Variants in RPS6KA5 observed in about 807,000 individuals in gnomAD.
RPS6KA5 encodes the protein ribosomal protein S6 kinase A5.
Under a neutral mutation model 85.5 loss-of-function variants are expected in RPS6KA5, and 27 were observed. That is an observed-to-expected ratio of 0.32 (90% CI 0.23 to 0.44). RPS6KA5 has a LOEUF of 0.44. RPS6KA5 is among the 20% of genes least tolerant of loss of function. RPS6KA5 has a pLI of 1.00. For synonymous variants in RPS6KA5, 334 were observed against 348.2 expected, an observed-to-expected ratio of 0.96 and a Z score of 0.46; for missense variants, 811 against 980.9, an observed-to-expected ratio of 0.83 and a Z score of 2.31.
intron 1 of RPS6KA5, among the ~76,000 whole-genome samples, chr14:91,043,917 A>G (rs933321041): frequency 3.9e-5 from 6 of 152,182 alleles, no homozygotes; most frequent in Admixed American, 3.3e-4. Flanking sequence ...AAATCAACTG[A>G]CCTTACGATA....
intron 2 of RPS6KA5, among the ~76,000 whole-genome samples, chr14:90,985,450 G>A (rs1595403539): frequency 6.6e-6 from 1 of 152,304 alleles, no homozygotes. Context: ...GTCCTTCCTT[G>A]TTGTGCTCAA....
chr14:90,945,425 T>A (rs1233691768), intron 4 of RPS6KA5, among the ~76,000 whole-genome samples: 1 of 152,240 alleles, frequency 6.6e-6, no homozygotes, highest in Non-Finnish European at 1.5e-5. Flanking sequence ...ACAACCTCTT[T>A]AGAAAAGATT....
At chr14:90,983,390 A>G (rs1007521376) in intron 2 of RPS6KA5, among the ~76,000 whole-genome samples, 18 of 152,052 alleles carry the variant, frequency 1.2e-4, no homozygotes, top group Non-Finnish European at 2.5e-4. Flanking sequence ...ACTTGAGCCC[A>G]GGAGTTTAAG....
intron 3 of RPS6KA5, among the ~76,000 whole-genome samples, chr14:90,966,375 G>A (rs138251027): frequency 1.5e-4 from 23 of 152,322 alleles, no homozygotes; most frequent in African/African-American, 5.5e-4. Context: ...GATAAATAAA[G>A]CATTTCAGGA....
chr14:90,960,194 G>A (rs546682031), intron 3 of RPS6KA5, among the ~76,000 whole-genome samples: 3 of 152,242 alleles, frequency 2.0e-5, no homozygotes, highest in Admixed American at 6.5e-5. Context: ...TCTGACTACC[G>A]AGAATGTGCT....
rs139629244 is a variant in RPS6KA5, at chr14:90,934,031, A to T, written c.618+9047T>A. On this transcript the variant is annotated intron_variant, in intron 5 of 16. Coordinates refer to ENST00000614987, the MANE Select transcript of RPS6KA5 (RefSeq NM_004755.4). Reference sequence around the variant, plus strand: ...TGATTTCAAAGTGTAGCCTCTTCTCACCCTATTCCCTATTCCTGTTCCCTA... The same window carrying T: ...TGATTTCAAAGTGTAGCCTCTTCTCTCCCTATTCCCTATTCCTGTTCCCTA... Among the ~76,000 whole-genome samples the T allele has an allele frequency of 2.1e-4, 32 of 152,208 alleles. 1 individual carries two copies. In the East Asian group the frequency reaches 6.2e-3, roughly 29 times the overall value.
rs2037664355 is a variant in RPS6KA5 at position 90,943,122 on chromosome 14, C to T, written c.574G>A (p.Val192Met). The change falls in exon 5 of 17, where the codon GTG (valine) becomes ATG (methionine). Residue 192 changes from valine to methionine, a missense_variant. Around this residue, in one of 3 missense-constraint regions of RPS6KA5, gnomAD observed 650 missense variants for 793.4 expected, o/e 0.82. Coordinates refer to ENST00000614987, the MANE Select transcript of RPS6KA5 (RefSeq NM_004755.4). The part of the protein sequence containing the change: ...NILLDSNGHV[V>M]LTDFGLSKEF... Reference sequence around the variant, plus strand: ...TTACTCAGACCAAAATCTGTCAGCACCACATGGCCATTAGAATCAAGTAGA... The same window carrying T: ...TTACTCAGACCAAAATCTGTCAGCATCACATGGCCATTAGAATCAAGTAGA... The T allele has an allele frequency of 6.2e-7, 1 of 1,612,916 alleles. No homozygotes were observed. The highest frequency in any genetic ancestry group is 2.2e-5 in the East Asian group (1 of 44,834).
At chr14:91,059,297 G>A (rs1467618953) in intron 1 of RPS6KA5, among the ~76,000 whole-genome samples, 2 of 148,438 alleles carry the variant, frequency 1.3e-5, no homozygotes, top group African/African-American at 5.0e-5. Flanking sequence ...CCGAGATCAT[G>A]CCACTGCACT....
chr14:90,893,764 C>A (rs968446927), intron 13 of RPS6KA5, among the ~76,000 whole-genome samples: 1 of 151,630 alleles, frequency 6.6e-6, no homozygotes, highest in Non-Finnish European at 1.5e-5. Flanking sequence ...TGTTGATTTT[C>A]TAAAAGGAGG....
chr14:91,029,434 A>C (rs1400239193), intron 1 of RPS6KA5, among the ~76,000 whole-genome samples: 1 of 152,252 alleles, frequency 6.6e-6, no homozygotes, highest in Non-Finnish European at 1.5e-5. Flanking sequence ...AATTAAAAAA[A>C]TAAAACCAAG....
At chr14:91,050,164 G>A (rs1373653002) in intron 1 of RPS6KA5, among the ~76,000 whole-genome samples, 1 of 152,008 alleles carries the variant, frequency 6.6e-6, no homozygotes, top group East Asian at 1.9e-4. Context: ...GATTGCTTGA[G>A]GCCAGAAGTT....
intron 5 of RPS6KA5, among the ~76,000 whole-genome samples, chr14:90,934,131 C>G (rs145309232): frequency 5.3e-5 from 8 of 152,118 alleles, no homozygotes; most frequent in African/African-American, 1.9e-4. Flanking sequence ...TCTGCCTCCC[C>G]GTGTAAAGGA....
intron 14 of RPS6KA5, among the ~76,000 whole-genome samples, chr14:90,878,124 C>A (rs867745456): frequency 1.3e-5 from 2 of 152,198 alleles, no homozygotes; most frequent in Non-Finnish European, 2.9e-5. Context: ...ATACAACTGT[C>A]CACATTGCTA....
chr14:91,029,046 C>T (rs534948085), intron 1 of RPS6KA5, among the ~76,000 whole-genome samples: 2 of 152,078 alleles, frequency 1.3e-5, no homozygotes, highest in African/African-American at 4.8e-5. Flanking sequence ...AGTAAAAAGG[C>T]AAGTTTTAAA....
intron 1 of RPS6KA5, among the ~76,000 whole-genome samples, chr14:91,044,882 GA>G (rs985964381): frequency 2.1e-5 from 3 of 142,682 alleles, no homozygotes; most frequent in Non-Finnish European, 3.1e-5. Flanking sequence ...AAAAAAAAAA[GA>G]AAAAAAAAGG....
chr14:90,912,140 CCT>C (rs1259628021), intron 7 of RPS6KA5, among the ~76,000 whole-genome samples: 1 of 152,196 alleles, frequency 6.6e-6, no homozygotes, highest in African/African-American at 2.4e-5. Flanking sequence ...GTCAAAACTC[CCT>C]GATACTATGA....
At chr14:90,973,880 A>C (rs1387698252) in intron 3 of RPS6KA5, among the ~76,000 whole-genome samples, 1 of 151,908 alleles carries the variant, frequency 6.6e-6, no homozygotes, top group South Asian at 2.1e-4. Flanking sequence ...TCTACTAAAA[A>C]TACAAAAATT....
intron 1 of RPS6KA5, among the ~76,000 whole-genome samples, chr14:91,028,100 C>A (rs576148115): frequency 2.0e-5 from 3 of 152,146 alleles, no homozygotes; most frequent in South Asian, 2.1e-4. Context: ...TTTTATTTGG[C>A]CAAATGATGA....
intron 8 of RPS6KA5, among the ~76,000 whole-genome samples, chr14:90,904,069 C>T (rs1438678435): frequency 1.3e-5 from 2 of 152,108 alleles, no homozygotes; most frequent in Non-Finnish European, 2.9e-5. Flanking sequence ...CCTGCCTCAG[C>T]CTCCTGAGTA....
Sources: gnomAD v4.1 joint callset for allele counts (sites outside exome capture counted in the v4.1 genomes callset) on GRCh38, gnomAD v4.1.1 for gene constraint, gnomAD v4.1.1 regional missense constraint, MANE v1.5 for transcripts, NCBI Gene and HGNC (gene_info 2026-07-23, HGNC 2026-07-21) for gene names.